The following SRGAP2C variants were observed in gnomAD, a reference collection of about 807,000 sequenced individuals.
SRGAP2C encodes the protein SLIT-ROBO Rho GTPase-activating protein 2C.
A neutral mutation model predicts 25.1 loss-of-function variants in SRGAP2C; 15 were observed. The observed-to-expected ratio is 0.60, with a 90% CI of 0.40 to 0.92. SRGAP2C has a LOEUF of 0.92. SRGAP2C is among the 40% of genes least tolerant of loss of function. The probability of loss-of-function intolerance (pLI) is 0.00; values close to 1 mark genes in which losing one functional copy is unlikely to be tolerated. For missense variants in SRGAP2C, 144 were observed against 264.4 expected, an observed-to-expected ratio of 0.54 and a Z score of 3.16; for synonymous variants, 44 against 96.6, an observed-to-expected ratio of 0.46 and a Z score of 3.19.
rs1211026484 is a variant in SRGAP2C, at chr1:121,261,094, ATTT to A, written c.68-23682_68-23680del. On this transcript the variant is annotated intron_variant, in intron 2 of 9. Transcript: ENST00000367123. ...CAGACATGCACCACCACACCTGGCT[ATTT>A]TTTTTTTTTTTTTTTTTTTTTTTTT... is the stretch of plus-strand genomic sequence containing the variant. Among the ~76,000 whole-genome samples, 36 of 26,236 alleles carry A rather than the reference ATTT, an allele frequency of 1.4e-3. No homozygotes were observed. The East Asian group carries it at 0.031, about 23-fold the overall frequency. 17.2% of individuals were successfully genotyped at this position (26,236 alleles called of 152,430 possible).
chr1:121,324,043 G>A (rs1368685409), intron 3 of SRGAP2C, among the ~76,000 whole-genome samples: 282 of 152,258 alleles, frequency 1.9e-3, no homozygotes, highest in Admixed American at 2.6e-3. Flanking sequence ...CTAGTCCCTG[G>A]TGCCCTCTTA....
chr1:121,392,231 G>A lies in SRGAP2C; in HGVS notation c.*4376G>A, dbSNP rs1218599603. 6.9e-6 allele frequency: 1 copy of A among 145,208 alleles called. No homozygotes were observed. Among genetic ancestry groups the A allele is most frequent in the East Asian group, 2.1e-4 (1 of 4,718 alleles). The allele number at this position is 145,208 out of a possible 1,614,324, so 9.0% of individuals were successfully genotyped here. On this transcript the variant is annotated 3_prime_UTR_variant, in exon 10 of 10. Coordinates refer to ENST00000367123, the MANE Select transcript of SRGAP2C (RefSeq NM_001329984.2). ...TAGACCAACATTCATATTCTAGAAG[G>A]ATAAATTATGTTGTTAAAAAGTTTA...
At chr1:121,188,171 T>C (rs1470721143) in intron 2 of SRGAP2C, among the ~76,000 whole-genome samples, 1 of 152,198 alleles carries the variant, frequency 6.6e-6, no homozygotes, top group Non-Finnish European at 1.5e-5. Context: ...GATGTTAGGG[T>C]AGCTGGTTGG....
rs1191379642 is a variant in SRGAP2C at position 121,362,207 on chromosome 1, C to T, written c.424-3086C>T. 14 of 95,106 alleles carry T rather than the reference C, an allele frequency of 1.5e-4. No homozygotes were observed. The East Asian group carries it at 1.8e-3, about 12-fold the overall frequency. 5.9% of individuals were successfully genotyped at this position (95,106 alleles called of 1,614,324 possible). On this transcript the variant is annotated intron_variant, in intron 4 of 9. Transcript: ENST00000367123. Reference sequence around the variant, plus strand: ...CAGTTAAGGTTTCTGAAACAGAGAACGAATGGCCTTTTATCATCTGTGAAA... The same window carrying T: ...CAGTTAAGGTTTCTGAAACAGAGAATGAATGGCCTTTTATCATCTGTGAAA...
intron 4 of SRGAP2C, among the ~76,000 whole-genome samples, chr1:121,355,410 C>T (rs1370442838): frequency 1.3e-5 from 1 of 75,280 alleles, no homozygotes; most frequent in African/African-American, 5.5e-5. Flanking sequence ...CTCTGCCTCC[C>T]GGGTTCACGC....
chr1:121,237,189 TA>T (rs1655979031), intron 2 of SRGAP2C, among the ~76,000 whole-genome samples: 1 of 126,652 alleles, frequency 7.9e-6, no homozygotes, highest in Non-Finnish European at 1.6e-5. Flanking sequence ...TTAGTTATTT[TA>T]GTTGAGCCTG....
chr1:121,208,295 G>A (rs1403130435), intron 2 of SRGAP2C, among the ~76,000 whole-genome samples: 4 of 151,898 alleles, frequency 2.6e-5, no homozygotes, highest in Non-Finnish European at 2.9e-5. Context: ...TTGAAATGAC[G>A]TGCCGTGTTA....
intron 3 of SRGAP2C, among the ~76,000 whole-genome samples, chr1:121,315,289 A>G (rs1281395108): frequency 6.6e-6 from 1 of 151,914 alleles, no homozygotes; most frequent in East Asian, 1.9e-4. Context: ...GAGTACAGGC[A>G]CGTGTCACCA....
chr1:121,315,112 G>A (rs1553340469), intron 3 of SRGAP2C: 9 of 533,390 alleles, frequency 1.7e-5, no homozygotes, highest in Admixed American at 1.2e-4. Context: ...TGGTGCAGGC[G>A]GCACGGCTCT....
rs1194897154 is a variant in SRGAP2C, at chr1:121,226,150, GA to G, written c.67+38645del. ...TTAATTTCTCCATTTCTCTAAATGG[GA>G]AAAAAAATTTGTTTTTGTTTCTTTT... On this transcript the variant is annotated intron_variant, in intron 2 of 9. Transcript: ENST00000367123. Among the ~76,000 whole-genome samples the G allele has an allele frequency of 3.4e-5, 5 of 147,182 alleles. No individual in the cohort carries two copies. In the East Asian group the frequency reaches 6.0e-4, roughly 18 times the overall value.
At chr1:121,375,720 T>G (rs1373440069) in intron 7 of SRGAP2C, among the ~76,000 whole-genome samples, 2 of 151,610 alleles carry the variant, frequency 1.3e-5, no homozygotes, top group Non-Finnish European at 1.5e-5. Context: ...ATGCCATCCC[T>G]TATATTTGTA....
intron 4 of SRGAP2C, among the ~76,000 whole-genome samples, chr1:121,345,931 A>G (rs1345364731): frequency 1.6e-5 from 2 of 123,200 alleles, no homozygotes; most frequent in Non-Finnish European, 3.4e-5. Context: ...GATTACAGGC[A>G]TAAGCCACTG....
intron 5 of SRGAP2C, among the ~76,000 whole-genome samples, chr1:121,367,069 G>A (rs1297170956): frequency 1.3e-5 from 2 of 151,368 alleles, no homozygotes; most frequent in African/African-American, 4.9e-5. Context: ...CCCAATATTG[G>A]CCAACTACTT....
rs1553341940 is a variant in SRGAP2C at position 121,328,965 on chromosome 1, G to A, written c.423+4325G>A. On this transcript the variant is annotated intron_variant, in intron 4 of 9. Coordinates refer to ENST00000367123, the MANE Select transcript of SRGAP2C (RefSeq NM_001329984.2). ...GGTGACTCATGCCTGTAATCGCAGC[G>A]CTTTGGGAGGCCAAGGTGGGCAGAT... Among the ~76,000 whole-genome samples the A allele has an allele frequency of 3.7e-4, 49 of 131,196 alleles. 2 individuals carry two copies. The highest frequency in any genetic ancestry group is 9.9e-4 in the East Asian group (4 of 4,042). The allele number at this position is 131,196 out of a possible 152,430, so 86.1% of individuals were successfully genotyped here.
intron 2 of SRGAP2C, among the ~76,000 whole-genome samples, chr1:121,228,653 T>C (rs868960090): frequency 2.6e-5 from 4 of 151,888 alleles, no homozygotes; most frequent in South Asian, 4.2e-4. Flanking sequence ...ACTTCATACC[T>C]TGAACACCAT....
In SRGAP2C at chr1:121,391,668, C is replaced by T. The variant is rs1553357932; in HGVS notation, c.*3813C>T. 2 of 137,850 alleles carry T rather than the reference C, an allele frequency of 1.5e-5. No homozygotes were observed. 8.5% of individuals were successfully genotyped at this position (137,850 alleles called of 1,614,324 possible). A position where few individuals can be genotyped will look rare whatever the true frequency, so the allele number is the denominator to read the frequency against. ...GGAAAATTTCACTAAAAAAAAAAAT[C>T]CTTAACAATATAATAAGTAAAGAAA... On this transcript the variant is annotated 3_prime_UTR_variant, in exon 10 of 10. Coordinates refer to ENST00000367123, the MANE Select transcript of SRGAP2C (RefSeq NM_001329984.2).
intron 2 of SRGAP2C, among the ~76,000 whole-genome samples, chr1:121,212,363 C>T (rs1421589812): frequency 6.6e-6 from 1 of 151,912 alleles, no homozygotes; most frequent in Non-Finnish European, 1.5e-5. Context: ...AACACTTGAC[C>T]TCGTGATCTG....
At chr1:121,272,558 A>G (rs587753969) in intron 2 of SRGAP2C, among the ~76,000 whole-genome samples, 2 of 151,990 alleles carry the variant, frequency 1.3e-5, no homozygotes, top group African/African-American at 4.8e-5. Context: ...GACAGCGAGA[A>G]TGAGGATTCT....
chr1:121,237,615 G>A (rs587634968), intron 2 of SRGAP2C, among the ~76,000 whole-genome samples: 57 of 151,974 alleles, frequency 3.8e-4, no homozygotes, highest in African/African-American at 1.3e-3. Context: ...AAGTAAGGAG[G>A]TCATAGTAAA....
Sources: allele counts gnomAD v4.1 joint callset (sites outside exome capture counted in the v4.1 genomes callset), GRCh38; gene constraint gnomAD v4.1.1; transcripts MANE v1.5; gene names NCBI Gene and HGNC (gene_info 2026-07-23, HGNC 2026-07-21).